Variants in ODR4 observed in about 807,000 individuals in gnomAD.
The protein encoded by ODR4 is protein odr-4 homolog.
In ODR4, 47 loss-of-function variants were observed where a neutral mutation model predicts 60.2. That is an observed-to-expected ratio of 0.78 (90% CI 0.62 to 1.00). The LOEUF is 1.00. Among genes scored for constraint, ODR4 ranks in the 50% least tolerant of loss-of-function variants. The probability of loss-of-function intolerance (pLI) is 0.00; values close to 1 mark genes in which losing one functional copy is unlikely to be tolerated. For missense variants in ODR4, 488 were observed against 530.8 expected (o/e 0.92, Z 0.79); for synonymous variants, 178 against 175.5 (o/e 1.01, Z -0.11).
chr1:186,387,034 A>G (rs1660279985), intron 4 of ODR4, among the ~76,000 whole-genome samples: 1 of 152,170 alleles, frequency 6.6e-6, no homozygotes, highest in Admixed American at 6.5e-5. Context: ...GGTATTTCAT[A>G]CCCCAAAAGA....
At chr1:186,432,626 T>C in the ODR4 span, among the ~76,000 whole-genome samples, 1 of 151,838 alleles carries the variant, frequency 6.6e-6, no homozygotes, top group Non-Finnish European at 1.5e-5. Flanking sequence ...TAGAAATCTA[T>C]TTTTTTTGTT....
chr1:186,381,972 C>T (rs2383477), intron 2 of ODR4, among the ~76,000 whole-genome samples: 19,262 of 152,084 alleles, frequency 0.13, 1,589 homozygotes, highest in Admixed American at 0.23. Flanking sequence ...GGGGAAGATA[C>T]AATGCTAACT....
intron 1 of ODR4, among the ~76,000 whole-genome samples, chr1:186,377,889 C>CA (rs1254544062): frequency 2.0e-5 from 3 of 152,114 alleles, no homozygotes; most frequent in Non-Finnish European, 4.4e-5. Context: ...ACTAAAAATA[C>CA]AAAAAATTAG....
chr1:186,390,996 C>A, intron 7 of ODR4, 145 bp downstream of exon 7: 1 of 855,406 alleles, frequency 1.2e-6, no homozygotes, highest in Non-Finnish European at 1.7e-6. Context: ...TTACCGCAGC[C>A]AAATTAGAAA....
At chr1:186,394,884 G>C (rs893407336) in intron 9 of ODR4, among the ~76,000 whole-genome samples, 4 of 152,098 alleles carry the variant, frequency 2.6e-5, no homozygotes, top group African/African-American at 9.7e-5. Context: ...TTTCTACTTT[G>C]TCTTGATTTT....
intron 12 of ODR4, chr1:186,411,873 A>G: frequency 6.2e-6 from 6 of 973,294 alleles, no homozygotes; most frequent in Non-Finnish European, 7.3e-6. Flanking sequence ...AGGAAGCAAA[A>G]CAGCAATTTG....
intron 4 of ODR4, 108 bp from the exon 5 acceptor site, chr1:186,388,334 G>A: frequency 1.6e-6 from 1 of 608,702 alleles, no homozygotes; most frequent in South Asian, 2.6e-5. Context: ...AAAGAATCAT[G>A]GAATTTTAAA....
rs1406944362 is a variant in ODR4, at chr1:186,391,689, T to C, written c.616-7T>C. 9 of 1,561,330 alleles carry C rather than the reference T, an allele frequency of 5.8e-6. No individual in the cohort carries two copies. The highest frequency in any genetic ancestry group is 7.9e-6 in the Non-Finnish European group (9 of 1,139,630). ...CTGAAAGATTTCCATGTTGTGTTTC[T>C]GTTAAGAATGGACTTACACGCTGGG... On this transcript the variant is annotated splice_polypyrimidine_tract_variant and splice_region_variant and intron_variant, in intron 7 of 13. Transcript: ENST00000287859.
chr1:186,408,879 ATAAT>A (rs982927515), intron 12 of ODR4, among the ~76,000 whole-genome samples: 33 of 151,996 alleles, frequency 2.2e-4, no homozygotes, highest in Non-Finnish European at 1.5e-4. Context: ...GGTTTTTTAA[ATAAT>A]TCTTAAAAAT....
At chr1:186,432,831 G>A in the ODR4 span, among the ~76,000 whole-genome samples, 1 of 151,256 alleles carries the variant, frequency 6.6e-6, no homozygotes, top group East Asian at 1.9e-4. Flanking sequence ...TGTCACCCAG[G>A]CTAGAGTGCA....
rs372871582 is a variant in ODR4 at position 186,417,569 on chromosome 1, T to C, written c.1212T>C (p.Ser404=). ...NTACMSSSMN[S]QASLDNTDDE... Reference sequence around the variant, plus strand: ...CTTGTATGAGTTCTTCTATGAATAGTCAAGCTTCATTGGACAACACAGATG... The same window carrying C: ...CTTGTATGAGTTCTTCTATGAATAGCCAAGCTTCATTGGACAACACAGATG... The change falls in exon 13 of 14, where the codon AGT becomes AGC. Residue 404 remains serine (S), a synonymous_variant. Coordinates refer to ENST00000287859, the MANE Select transcript of ODR4 (RefSeq NM_017847.6). 1.7e-5 allele frequency: 27 copies of C among 1,595,716 alleles called. No homozygotes were observed. In the African/African-American group the frequency reaches 3.5e-4, roughly 21 times the overall value.
intron 12 of ODR4, among the ~76,000 whole-genome samples, chr1:186,413,644 A>G (rs1661450955): frequency 6.6e-6 from 1 of 152,186 alleles, no homozygotes; most frequent in Non-Finnish European, 1.5e-5. Context: ...TGCCAATATC[A>G]GAGCTGAGAT....
intron 11 of ODR4, among the ~76,000 whole-genome samples, chr1:186,404,047 T>C (rs976779769): frequency 6.6e-6 from 1 of 152,208 alleles, no homozygotes; most frequent in African/African-American, 2.4e-5. Context: ...GAAAAATACA[T>C]AAATAACTTA....
intron 9 of ODR4, among the ~76,000 whole-genome samples, chr1:186,397,229 C>G (rs995226257): frequency 2.6e-5 from 4 of 152,098 alleles, no homozygotes; most frequent in African/African-American, 9.7e-5. Flanking sequence ...CAGTATTCTC[C>G]TCTTCATTAT....
intron 2 of ODR4, among the ~76,000 whole-genome samples, chr1:186,381,332 C>CTTCTTTTTTTTTTTTTTTT (rs1558057831): frequency 8.3e-5 from 12 of 144,606 alleles, no homozygotes; most frequent in African/African-American, 3.0e-4. Flanking sequence ...GGCCTTCCTT[C>CTTCTTTTTTTTTTTTTTTT]TTTTTTTTTT....
Position 186,390,571 on chromosome 1 carries a change from T to A in ODR4, c.475-140T>A, listed in dbSNP as rs1660428501. The A allele has an allele frequency of 3.6e-6, 3 of 828,748 alleles. No individual in the cohort carries two copies. In the Admixed American group the frequency reaches 8.1e-5, roughly 22 times the overall value. The allele number at this position is 828,748 out of a possible 1,614,324, so 51.3% of individuals were successfully genotyped here. ...TTTGTGTTTAGTTCAACCTATAGTC[T>A]TTTGATCAAGGGTTTAGCCATATAT... On this transcript the variant is annotated intron_variant, in intron 6 of 13. Coordinates refer to ENST00000287859, the MANE Select transcript of ODR4 (RefSeq NM_017847.6).
chr1:186,422,156 TTTTA>T, downstream of ODR4, among the ~76,000 whole-genome samples: 1 of 152,194 alleles, frequency 6.6e-6, no homozygotes, highest in South Asian at 2.1e-4. Flanking sequence ...AAAAAATTTT[TTTTA>T]AATGAAGTAG....
intron 11 of ODR4, among the ~76,000 whole-genome samples, chr1:186,399,558 T>C (rs1000464904): frequency 6.6e-6 from 1 of 152,238 alleles, no homozygotes; most frequent in East Asian, 1.9e-4. Context: ...TTGTCAACAA[T>C]TAAGAATTTC....
At chr1:186,396,754 T>C (rs1419165997) in intron 9 of ODR4, among the ~76,000 whole-genome samples, 1 of 152,016 alleles carries the variant, frequency 6.6e-6, no homozygotes, top group Non-Finnish European at 1.5e-5. Flanking sequence ...GATAGATAGA[T>C]AGATATATGT....
Sources: allele counts gnomAD v4.1 joint callset (sites outside exome capture counted in the v4.1 genomes callset), GRCh38; gene constraint gnomAD v4.1.1; transcripts MANE v1.5; gene names NCBI Gene and HGNC (gene_info 2026-07-23, HGNC 2026-07-21).